Variants in UBE2B observed in about 807,000 individuals in gnomAD.
UBE2B encodes the protein ubiquitin conjugating enzyme E2 B.
A neutral mutation model predicts 24.6 loss-of-function variants in UBE2B; 11 were observed. That is an observed-to-expected ratio of 0.45 (90% CI 0.28 to 0.74). UBE2B has a LOEUF of 0.74. Among genes scored for constraint, UBE2B ranks in the 30% least tolerant of loss-of-function variants. The pLI is 0.13. For synonymous variants in UBE2B, 68 were observed against 62.4 expected (o/e 1.09, Z -0.42); for missense variants, 78 against 185.6 (o/e 0.42, Z 3.37).
intron 4 of UBE2B, chr5:134,388,062 C>T (rs1239658097): frequency 2.2e-6 from 1 of 453,400 alleles, no homozygotes; most frequent in Admixed American, 3.4e-5. Context: ...CCTCGGCCTC[C>T]CAAAGTGTTC....
At chr5:134,374,596 GAAAA>G (rs201082370) in intron 2 of UBE2B, 133 bp downstream of exon 2, 2 of 948,706 alleles carry the variant, frequency 2.1e-6, no homozygotes, top group Non-Finnish European at 3.1e-6. Context: ...AGATAAATTA[GAAAA>G]AAAAAATATT....
At chr5:134,376,348 A>AAATATATATATATATATAT (rs1554114145) in intron 2 of UBE2B, among the ~76,000 whole-genome samples, 1 of 4,776 alleles carries the variant, frequency 2.1e-4, no homozygotes, top group African/African-American at 4.4e-4. Flanking sequence ...AAAAAAAAAA[A>AAATATATATATATATATAT]ATATATATAT....
intron 2 of UBE2B, among the ~76,000 whole-genome samples, chr5:134,375,814 A>C (rs1333600563): frequency 6.0e-5 from 9 of 150,798 alleles, no homozygotes; most frequent in Non-Finnish European, 1.3e-4. Flanking sequence ...AAAAAAAAAA[A>C]AAAAAAAAAA....
chr5:134,380,926 G>T, intron 4 of UBE2B, 118 bp downstream of exon 4: 9 of 436,266 alleles, frequency 2.1e-5, no homozygotes, highest in East Asian at 4.8e-5. Context: ...TTGCTTCCAT[G>T]TCCATGTGAG....
At chr5:134,371,788 C>T (rs997285055) in intron 1 of UBE2B, 149 bp downstream of exon 1, 1 of 1,222,264 alleles carries the variant, frequency 8.2e-7, no homozygotes, top group African/African-American at 1.5e-5. Context: ...AGCCTCGGCC[C>T]TACTCCCATA....
At chr5:134,374,596 G>GAA in intron 2 of UBE2B, 133 bp downstream of exon 2, 7 of 948,716 alleles carry the variant, frequency 7.4e-6, no homozygotes, top group East Asian at 2.8e-5. Context: ...AGATAAATTA[G>GAA]AAAAAAAAAA....
chr5:134,385,748 C>G (rs1011658972), intron 4 of UBE2B: 2 of 151,956 alleles, frequency 1.3e-5, no homozygotes, highest in Non-Finnish European at 2.9e-5. Context: ...GCACGGTGGC[C>G]CACGCCTGTA....
rs1758895054 is a variant in UBE2B, at chr5:134,391,426, A to G, written c.*1073A>G. On this transcript the variant is annotated 3_prime_UTR_variant, in exon 6 of 6. Transcript: ENST00000265339. ...TAAAAGTTGTACTGCATCTTAGTTT[A>G]CTGGATAAATTTAAAACACAGTATT... The G allele has an allele frequency of 6.6e-6, 1 of 152,460 alleles. No homozygotes were observed. Among genetic ancestry groups the G allele is most frequent in the Non-Finnish European group, 1.5e-5 (1 of 68,008 alleles). The allele number at this position is 152,460 out of a possible 1,614,324, so 9.4% of individuals were successfully genotyped here. A position where few individuals can be genotyped will look rare whatever the true frequency, so the allele number is the denominator to read the frequency against.
chr5:134,374,946 C>CAAAAAAAA (rs200071902), intron 2 of UBE2B, among the ~76,000 whole-genome samples: 1 of 140,430 alleles, frequency 7.1e-6, no homozygotes, highest in Non-Finnish European at 1.6e-5. Flanking sequence ...GATCCTGTAT[C>CAAAAAAAA]AAAAAAAAAA....
In UBE2B at chr5:134,371,590, C is replaced by T; in HGVS notation, c.-6C>T. On this transcript the variant is annotated 5_prime_UTR_variant, in exon 1 of 6. Transcript: ENST00000265339. Reference sequence around the variant, plus strand: ...TTTCAGACTGACCGCGGGGCAGCTGCGGAGCATGTCGACCCCGGCCCGGAG... The same window carrying T: ...TTTCAGACTGACCGCGGGGCAGCTGTGGAGCATGTCGACCCCGGCCCGGAG... 2 of 1,612,448 alleles carry T rather than the reference C, an allele frequency of 1.2e-6. No homozygotes were observed. Among genetic ancestry groups the T allele is most frequent in the Non-Finnish European group, 1.7e-6 (2 of 1,179,732 alleles).
intron 2 of UBE2B, 114 bp downstream of exon 2, chr5:134,374,577 A>AAAACTGC (rs2149689962): frequency 8.6e-7 from 1 of 1,164,838 alleles, no homozygotes; most frequent in South Asian, 1.3e-5. Context: ...CTTAAGGACT[A>AAAACTGC]AAACTGCAAG....
At chr5:134,376,480 A>C (rs1366312845) in intron 2 of UBE2B, among the ~76,000 whole-genome samples, 189 bp from the exon 3 acceptor site, 1 of 149,838 alleles carries the variant, frequency 6.7e-6, no homozygotes, top group Non-Finnish European at 1.5e-5. Flanking sequence ...GCTTAGAATG[A>C]AAGTTAATAC....
chr5:134,386,667 A>G (rs1427470882), intron 4 of UBE2B, among the ~76,000 whole-genome samples: 2 of 152,132 alleles, frequency 1.3e-5, no homozygotes, highest in Admixed American at 1.3e-4. Context: ...AAGATCATCC[A>G]TAACCCTACT....
chr5:134,390,337 G>A lies in UBE2B; in HGVS notation c.443G>A (p.Ser148Asn). The A allele has an allele frequency of 6.2e-7, 1 of 1,614,002 alleles. No homozygotes were observed. Among genetic ancestry groups the A allele is most frequent in the African/African-American group, 1.3e-5 (1 of 75,018 alleles). The stretch of plus-strand genomic sequence containing the variant: ...AGAGTTTCGGCCATTGTTGAACAAA[G>A]CTGGAATGATTCATAATAGACAACT... ...EKRVSAIVEQ[S>N]WNDS Residue 148 changes from serine (S) to asparagine (N), a missense_variant, in exon 6 of 6, where the codon AGC (serine) becomes AAC (asparagine). Ser to Asn is a conservative substitution (Grantham distance 46). Coordinates refer to ENST00000265339, the MANE Select transcript of UBE2B (RefSeq NM_003337.4). This position sits in a 1 kb window ranked among gnomAD's most constrained non-coding sequence, Gnocchi z 4.6.
intron 4 of UBE2B, among the ~76,000 whole-genome samples, chr5:134,385,419 A>G (rs1758783823): frequency 6.6e-6 from 1 of 152,148 alleles, no homozygotes; most frequent in Non-Finnish European, 1.5e-5. Flanking sequence ...TTTAAGTGTG[A>G]TTTGCTCCCC....
chr5:134,380,695 A>AT (rs1219015599), intron 3 of UBE2B, 24 bp from the exon 4 acceptor site: 1 of 1,345,966 alleles, frequency 7.4e-7, no homozygotes, highest in Non-Finnish European at 1.1e-6. Flanking sequence ...TGTCTTTACT[A>AT]TAATTATTTT....
intron 5 of UBE2B, among the ~76,000 whole-genome samples, chr5:134,389,299 T>C (rs1367296791): frequency 6.6e-6 from 1 of 152,158 alleles, no homozygotes; most frequent in Non-Finnish European, 1.5e-5. Flanking sequence ...TCTCATTCTC[T>C]TCCTGCTAAA....
intron 4 of UBE2B, among the ~76,000 whole-genome samples, chr5:134,386,014 A>G (rs1393821231): frequency 1.4e-5 from 2 of 144,872 alleles, no homozygotes; most frequent in East Asian, 4.0e-4. Context: ...CTCCATCTCA[A>G]AAAAAAAGAA....
At position 134,381,641 on chromosome 5, in the gene UBE2B, C is replaced by T. The variant is rs190127482; in HGVS notation, c.241+833C>T. Reference sequence around the variant, plus strand: ...TTGAGGTCAAGTTGTTTTAATAACTCCTGAATTAAAAGTAATACATGGTCG... The same window carrying T: ...TTGAGGTCAAGTTGTTTTAATAACTTCTGAATTAAAAGTAATACATGGTCG... On this transcript the variant is annotated intron_variant, in intron 4 of 5. Coordinates refer to ENST00000265339, the MANE Select transcript of UBE2B (RefSeq NM_003337.4). Among the ~76,000 whole-genome samples the T allele has an allele frequency of 6.0e-4, 91 of 152,210 alleles. 1 individual carries two copies. The Middle Eastern group carries it at 0.017, about 28-fold the overall frequency.
Sources: gnomAD v4.1 joint callset for allele counts (sites outside exome capture counted in the v4.1 genomes callset) on GRCh38, gnomAD v4.1.1 for gene constraint, Gnocchi (gnomAD v3.1) non-coding constraint, MANE v1.5 for transcripts, NCBI Gene and HGNC (gene_info 2026-07-23, HGNC 2026-07-21) for gene names.